CMIP: variants seen among roughly 807,000 people sequenced by gnomAD.
The protein encoded by CMIP is c-Maf inducing protein.
A neutral mutation model predicts 97.3 loss-of-function variants in CMIP; 13 were observed. The ratio of observed to expected loss-of-function variants is 0.13; its 90% CI spans 0.09 to 0.21. CMIP has a LOEUF of 0.21. Ranked by LOEUF, CMIP falls within the 10% of genes least tolerant of loss-of-function variation. The pLI is 1.00. For missense variants in CMIP, 847 were observed against 1,024.9 expected, an observed-to-expected ratio of 0.83 and a Z score of 2.37; for synonymous variants, 538 against 436.3, an observed-to-expected ratio of 1.23 and a Z score of -2.91.
At chr16:81,639,763 A>C (rs2092281625) in intron 3 of CMIP, among the ~76,000 whole-genome samples, 1 of 152,186 alleles carries the variant, frequency 6.6e-6, no homozygotes, top group Admixed American at 6.5e-5. Context: ...CCTGATGCAT[A>C]GGTTCTGCCT....
chr16:81,628,539 G>A (rs896505618), intron 3 of CMIP, among the ~76,000 whole-genome samples: 21 of 152,168 alleles, frequency 1.4e-4, no homozygotes, highest in African/African-American at 4.8e-4. Context: ...CTGAGGCTGA[G>A]GTTAAATCAC....
At chr16:81,459,282 G>T (rs1417649851) in intron 1 of CMIP, among the ~76,000 whole-genome samples, 6 of 152,226 alleles carry the variant, frequency 3.9e-5, no homozygotes, top group African/African-American at 1.2e-4. Context: ...AAGTCTCACA[G>T]TTTTCTTGGA....
intron 1 of CMIP, among the ~76,000 whole-genome samples, chr16:81,472,221 C>T (rs1047952445): frequency 5.3e-5 from 8 of 152,188 alleles, no homozygotes; most frequent in Admixed American, 2.0e-4. Flanking sequence ...AGTTGTGTGA[C>T]GTCTCTGCCT....
At chr16:81,481,461 A>G (rs1908259056) in intron 1 of CMIP, among the ~76,000 whole-genome samples, 2 of 152,212 alleles carry the variant, frequency 1.3e-5, no homozygotes, top group African/African-American at 2.4e-5. Flanking sequence ...ATGTGAGCTG[A>G]TGGCTTCAGA....
intron 1 of CMIP, among the ~76,000 whole-genome samples, chr16:81,469,166 A>G (rs779724539): frequency 6.6e-6 from 1 of 152,212 alleles, no homozygotes; most frequent in Non-Finnish European, 1.5e-5. Flanking sequence ...TGGTGGGGAA[A>G]CCCAAAGGGG....
At position 81,454,208 on chromosome 16, in the gene CMIP, G is replaced by A. The variant is rs143510859; in HGVS notation, c.300+8667G>A. Among the ~76,000 whole-genome samples, 3 of 152,310 alleles carry A rather than the reference G, an allele frequency of 2.0e-5. No homozygotes were observed. In the East Asian group the frequency reaches 5.8e-4, roughly 29 times the overall value. On this transcript the variant is annotated intron_variant, in intron 1 of 20. Transcript: ENST00000537098. Reference sequence around the variant, plus strand: ...GTTCCTGGTTGCAACGATATTTATCGTATCCCTACTGTGTGCCGGGCACAG... The same window carrying A: ...GTTCCTGGTTGCAACGATATTTATCATATCCCTACTGTGTGCCGGGCACAG...
chr16:81,545,418 G>A (rs1442650326), intron 1 of CMIP, among the ~76,000 whole-genome samples: 2 of 152,174 alleles, frequency 1.3e-5, no homozygotes, highest in African/African-American at 4.8e-5. Flanking sequence ...TGCTTATATT[G>A]TGTAGCTAAA....
At chr16:81,685,795 C>T (rs1465658088) in intron 10 of CMIP, among the ~76,000 whole-genome samples, 2 of 151,746 alleles carry the variant, frequency 1.3e-5, no homozygotes, top group Non-Finnish European at 2.9e-5. Context: ...AACTCCTGGC[C>T]TCAAGCAATC....
intron 1 of CMIP, among the ~76,000 whole-genome samples, chr16:81,607,162 A>G (rs1330642188): frequency 2.6e-5 from 4 of 152,212 alleles, no homozygotes; most frequent in Non-Finnish European, 5.9e-5. Flanking sequence ...TGGAGGATGC[A>G]TATCCGTGGG....
intron 1 of CMIP, among the ~76,000 whole-genome samples, chr16:81,535,171 C>T (rs1192076938): frequency 5.9e-5 from 9 of 152,112 alleles, no homozygotes; most frequent in South Asian, 2.1e-4. Flanking sequence ...AGGATGGTCT[C>T]GATCTCCTGA....
intron 8 of CMIP, among the ~76,000 whole-genome samples, chr16:81,670,623 G>C (rs1418049497): frequency 1.9e-4 from 7 of 37,730 alleles, no homozygotes; most frequent in African/African-American, 7.3e-4. Context: ...TTTTTTTTGG[G>C]GGGGGGGGGG....
intron 1 of CMIP, among the ~76,000 whole-genome samples, chr16:81,500,669 A>G (rs764422428): frequency 6.6e-6 from 1 of 151,680 alleles, no homozygotes; most frequent in Non-Finnish European, 1.5e-5. Context: ...TTGTATTTTT[A>G]GTAGAGACTG....
Position 81,445,329 on chromosome 16 carries a change from C to T in CMIP, c.88C>T (p.Pro30Ser), listed in dbSNP as rs774596459. 6.3e-7 allele frequency: 1 copy of T among 1,590,530 alleles called. No individual in the cohort carries two copies. Among genetic ancestry groups the T allele is most frequent in the Non-Finnish European group, 8.6e-7 (1 of 1,169,580 alleles). Residue 30 changes from proline to serine, a missense_variant, in exon 1 of 21, where the codon CCC (proline) becomes TCC (serine). Physicochemically the swap from Pro to Ser is moderately conservative, Grantham distance 74. Transcript: ENST00000537098. The part of the protein sequence containing the change: ...KPLLGGDVSA[P>S]EGTKMGAVPC... ...GCTGCTGGGGGGCGACGTGTCGGCC[C>T]CCGAAGGCACGAAGATGGGCGCCGT...
intron 5 of CMIP, 37 bp downstream of exon 5, chr16:81,657,853 C>A (rs1261874661): frequency 4.5e-6 from 7 of 1,560,534 alleles, no homozygotes; most frequent in Non-Finnish European, 6.1e-6. Context: ...CCACCCACCT[C>A]CGCCTCCTGG....
Position 81,709,903 on chromosome 16 carries a change from C to A in CMIP, c.*104C>A. The A allele has an allele frequency of 3.2e-6, 2 of 625,980 alleles. No homozygotes were observed. Among genetic ancestry groups the A allele is most frequent in the Non-Finnish European group, 4.5e-6 (2 of 439,918 alleles). The allele number at this position is 625,980 out of a possible 1,614,324, so 38.8% of individuals were successfully genotyped here. ...CTGGGGTCCCACCCTGGTGCCCTGGCTGTGAGATAGATGGGGAGTCTTTCT... is the reference window on the plus strand; with the variant it reads ...CTGGGGTCCCACCCTGGTGCCCTGGATGTGAGATAGATGGGGAGTCTTTCT... On this transcript the variant is annotated 3_prime_UTR_variant, in exon 21 of 21. Transcript: ENST00000537098.
chr16:81,672,041 C>G lies in CMIP; in HGVS notation c.1005C>G (p.Ile335Met), dbSNP rs566567896. ...TGGTGGCCGTGTGCCTGGCTGCCAT[C>G]TACTCCTGCTATGAAGAGTTCATCA... ...PNLVAVCLAA[I>M]YSCYEEFINS... The change falls in exon 9 of 21, where the codon ATC (isoleucine) becomes ATG (methionine). Residue 335 changes from isoleucine to methionine, a missense_variant. Ile to Met is a conservative substitution (Grantham distance 10). Transcript: ENST00000537098. 6.2e-7 allele frequency: 1 copy of G among 1,604,060 alleles called. No homozygotes were observed. The highest frequency in any genetic ancestry group is 8.5e-7 in the Non-Finnish European group (1 of 1,174,626).
At chr16:81,516,313 C>T (rs746775159) in intron 1 of CMIP, among the ~76,000 whole-genome samples, 7 of 152,184 alleles carry the variant, frequency 4.6e-5, no homozygotes, top group African/African-American at 1.2e-4. Flanking sequence ...CATGGAATCG[C>T]GCTTCTCTCC....
At chr16:81,550,535 T>C (rs1055854825) in intron 1 of CMIP, among the ~76,000 whole-genome samples, 2 of 152,182 alleles carry the variant, frequency 1.3e-5, no homozygotes, top group African/African-American at 4.8e-5. Flanking sequence ...ACAGGTCTTA[T>C]CCCGTCAAAG....
chr16:81,535,029 T>A (rs2090314624), intron 1 of CMIP, among the ~76,000 whole-genome samples: 1 of 152,088 alleles, frequency 6.6e-6, no homozygotes, highest in East Asian at 1.9e-4. Context: ...CGGCTCACTC[T>A]AAGCTCTGCC....
Sources: gnomAD v4.1 joint callset for allele counts (sites outside exome capture counted in the v4.1 genomes callset) on GRCh38, gnomAD v4.1.1 for gene constraint, MANE v1.5 for transcripts, NCBI Gene and HGNC (gene_info 2026-07-23, HGNC 2026-07-21) for gene names.